The following ME2 variants were observed in gnomAD, a reference collection of about 807,000 sequenced individuals.
ME2 encodes the protein malic enzyme 2, also known as NAD-dependent malic enzyme, mitochondrial.
ME2 carries 60 observed loss-of-function variants against 73.7 expected under a neutral mutation model. The observed-to-expected ratio is 0.81, with a 90% confidence interval of 0.66 to 1.01. ME2 has a LOEUF of 1.01. Among genes scored for constraint, ME2 ranks in the 50% least tolerant of loss-of-function variants. The pLI, the probability that ME2 is intolerant of heterozygous loss-of-function variation, is 0.00. For missense variants in ME2, 594 were observed against 705.5 expected (o/e 0.84, Z 1.79); for synonymous variants, 199 against 236.9 (o/e 0.84, Z 1.47).
chr18:50,942,352 A>G (rs2144271662), intron 15 of ME2, among the ~76,000 whole-genome samples: 1 of 152,270 alleles, frequency 6.6e-6, no homozygotes, highest in East Asian at 1.9e-4. Flanking sequence ...AAATTTTATA[A>G]TGTGTATAAT....
chr18:50,950,877 T>C lies in ME2; in HGVS notation c.*3693T>C, dbSNP rs1002526106. 2.0e-5 allele frequency: 3 copies of C among 152,222 alleles called. No individual in the cohort carries two copies. Among genetic ancestry groups the C allele is most frequent in the Admixed American group, 2.0e-4 (3 of 15,280 alleles). 9.4% of individuals were successfully genotyped at this position (152,222 alleles called of 1,614,324 possible). On this transcript the variant is annotated 3_prime_UTR_variant, in exon 16 of 16. Transcript: ENST00000321341. ...GCTGAGAGGCATTGCTCCAGGATAC[T>C]GCATGTAGTGAGCAGTTCTTTAGCG...
At chr18:50,915,214 G>GC (rs1470665175) in intron 4 of ME2, among the ~76,000 whole-genome samples, 1 of 152,126 alleles carries the variant, frequency 6.6e-6, no homozygotes, top group African/African-American at 2.4e-5. Context: ...GTGTTAGTCA[G>GC]CCAGGCACAG....
intron 10 of ME2, among the ~76,000 whole-genome samples, chr18:50,921,905 C>T (rs2144240156): frequency 6.6e-6 from 1 of 152,300 alleles, no homozygotes; most frequent in African/African-American, 2.4e-5. Context: ...CATTGATTAC[C>T]ATTTTCACTA....
Position 50,946,343 on chromosome 18 carries a change from A to G in ME2, c.1588-674A>G, listed in dbSNP as rs1162103844. ...TAGTCGAGCTTACTGTTGAGGGTCT[A>G]ATATCTAGACTCAGAATGCTTTGGG... is the stretch of plus-strand genomic sequence containing the variant. On this transcript the variant is annotated intron_variant, in intron 15 of 15. Coordinates refer to ENST00000321341, the MANE Select transcript of ME2 (RefSeq NM_002396.5). 4.6e-5 allele frequency among the ~76,000 whole-genome samples: 7 copies of G among 152,192 alleles called. No homozygotes were observed. The East Asian group carries it at 1.2e-3, about 25-fold the overall frequency.
intron 1 of ME2, among the ~76,000 whole-genome samples, chr18:50,879,536 C>T (rs1453395795): frequency 6.6e-6 from 1 of 152,206 alleles, no homozygotes; most frequent in Non-Finnish European, 1.5e-5. Flanking sequence ...GTTCCAGCGG[C>T]CGCGGCTCTA....
At position 50,884,704 on chromosome 18, in the gene ME2, G is replaced by A. The variant is rs190068490; in HGVS notation, c.-13+5396G>A. ...CTAGGAGTTGAAAATAGAAGATTTC[G>A]TATATCAGCAACCTGATCTTAACTA... On this transcript the variant is annotated intron_variant, in intron 1 of 15. Transcript: ENST00000321341. Among the ~76,000 whole-genome samples, 1,142 of 152,246 alleles carry A rather than the reference G, an allele frequency of 7.5e-3. 55 individuals are homozygous for A. Among genetic ancestry groups the A allele is most frequent in the Admixed American group, 0.069 (1,057 of 15,284 alleles).
chr18:50,920,631 T>C, intron 8 of ME2, 30 bp from the exon 9 acceptor site: 1 of 1,580,426 alleles, frequency 6.3e-7, no homozygotes, highest in Non-Finnish European at 8.6e-7. Flanking sequence ...GCCCATTTTT[T>C]ATTTGTAAAA....
intron 15 of ME2, among the ~76,000 whole-genome samples, chr18:50,940,984 G>T (rs1917936269): frequency 6.6e-6 from 1 of 151,990 alleles, no homozygotes; most frequent in Non-Finnish European, 1.5e-5. Flanking sequence ...TAGGCTGGGC[G>T]CAGTGGCTTA....
chr18:50,937,687 T>G (rs1225312527), intron 13 of ME2, among the ~76,000 whole-genome samples: 1 of 152,072 alleles, frequency 6.6e-6, no homozygotes, highest in Non-Finnish European at 1.5e-5. Context: ...ATTTTTATTT[T>G]TTAAAAAAAT....
At chr18:50,902,973 T>C (rs888338291) in intron 2 of ME2, among the ~76,000 whole-genome samples, 3 of 152,162 alleles carry the variant, frequency 2.0e-5, no homozygotes, top group Non-Finnish European at 2.9e-5. Context: ...TTTAAGAGAT[T>C]TGTGTCAATA....
At chr18:50,934,534 G>A (rs953947538) in intron 13 of ME2, 4 of 152,106 alleles carry the variant, frequency 2.6e-5, no homozygotes, top group Non-Finnish European at 5.9e-5. Flanking sequence ...CCTATTCCCA[G>A]CTAGTCAGGA....
intron 14 of ME2, 114 bp downstream of exon 14, chr18:50,939,754 A>C (rs1484181236): frequency 1.5e-6 from 1 of 671,656 alleles, no homozygotes; most frequent in East Asian, 2.8e-5. Flanking sequence ...ATGAAAAGGA[A>C]GTTACTCAAA....
At chr18:50,904,471 A>C (rs989919621) in intron 2 of ME2, among the ~76,000 whole-genome samples, 1 of 151,654 alleles carries the variant, frequency 6.6e-6, no homozygotes, top group African/African-American at 2.4e-5. Context: ...TTTAGTAGAG[A>C]TGGGGTTTCA....
At chr18:50,926,631 C>T (rs975506702) in intron 12 of ME2, among the ~76,000 whole-genome samples, 2 of 152,082 alleles carry the variant, frequency 1.3e-5, no homozygotes, top group Non-Finnish European at 2.9e-5. Context: ...TTATGGGACT[C>T]TAATTATATG....
At position 50,951,973 on chromosome 18, in the gene ME2, T is replaced by C. The variant is rs1205828950; in HGVS notation, c.*4789T>C. On this transcript the variant is annotated 3_prime_UTR_variant, in exon 16 of 16. Transcript: ENST00000321341. The stretch of plus-strand genomic sequence containing the variant: ...TGAGCCTATGTAATACTCGAGAACA[T>C]TAATATAAACCCATAGCTCTTTACT... 2.0e-5 allele frequency: 3 copies of C among 149,998 alleles called. No individual in the cohort carries two copies. Among genetic ancestry groups the C allele is most frequent in the Non-Finnish European group, 4.4e-5 (3 of 67,762 alleles). The allele number at this position is 149,998 out of a possible 1,614,324, so 9.3% of individuals were successfully genotyped here.
chr18:50,892,838 C>CT (rs1916637423), intron 1 of ME2, among the ~76,000 whole-genome samples: 1 of 152,020 alleles, frequency 6.6e-6, no homozygotes, highest in South Asian at 2.1e-4. Context: ...AAAAATTACT[C>CT]TTTAAGGGCA....
At chr18:50,939,758 A>G (rs1353275617) in intron 14 of ME2, 118 bp downstream of exon 14, 3 of 648,420 alleles carry the variant, frequency 4.6e-6, no homozygotes, top group Non-Finnish European at 7.8e-6. Flanking sequence ...AAAGGAAGTT[A>G]CTCAAATTAC....
In ME2 at chr18:50,947,355, T is replaced by G; in HGVS notation, c.*171T>G. 1.6e-6 allele frequency: 1 copy of G among 611,172 alleles called. No homozygotes were observed. The highest frequency in any genetic ancestry group is 2.8e-6 in the Non-Finnish European group (1 of 351,994). The allele number at this position is 611,172 out of a possible 1,614,324, so 37.9% of individuals were successfully genotyped here. On this transcript the variant is annotated 3_prime_UTR_variant, in exon 16 of 16. Transcript: ENST00000321341. Reference sequence around the variant, plus strand: ...CATCTGTTGGGGTAGACGTGTTGATTGATTGCATTGCCCACCAGCACCCTA... The same window carrying G: ...CATCTGTTGGGGTAGACGTGTTGATGGATTGCATTGCCCACCAGCACCCTA...
chr18:50,933,815 C>A (rs116237125), intron 13 of ME2: 1 of 152,074 alleles, frequency 6.6e-6, no homozygotes. Context: ...ACCCTCTTCC[C>A]GCCCTCTACC....
Sources: allele counts gnomAD v4.1 joint callset (sites outside exome capture counted in the v4.1 genomes callset), GRCh38; gene constraint gnomAD v4.1.1; transcripts MANE v1.5; gene names NCBI Gene and HGNC (gene_info 2026-07-23, HGNC 2026-07-21).